The following SULT1B1 variants were observed in gnomAD, a reference collection of about 807,000 sequenced individuals.
SULT1B1 encodes the protein sulfotransferase family 1B member 1.
SULT1B1 carries 28 observed loss-of-function variants against 34.6 expected under a neutral mutation model. The observed-to-expected ratio is 0.81, with a 90% CI of 0.60 to 1.11. The LOEUF is 1.11. SULT1B1 is among the 50% of genes least tolerant of loss of function. The probability of loss-of-function intolerance (pLI) is 0.00; values close to 1 mark genes in which losing one functional copy is unlikely to be tolerated. For synonymous variants in SULT1B1, 147 were observed against 110.2 expected, an observed-to-expected ratio of 1.33 and a Z score of -2.09; for missense variants, 374 against 352.2, an observed-to-expected ratio of 1.06 and a Z score of -0.50.
intron 4 of SULT1B1, among the ~76,000 whole-genome samples, chr4:69,735,933 T>A (rs1414151830): frequency 6.6e-6 from 1 of 152,118 alleles, no homozygotes; most frequent in East Asian, 1.9e-4. Flanking sequence ...TTCATATCAC[T>A]AAAACAGCCA....
intron 4 of SULT1B1, among the ~76,000 whole-genome samples, chr4:69,741,612 C>T (rs1283875284): frequency 6.6e-6 from 1 of 152,042 alleles, no homozygotes; most frequent in African/African-American, 2.4e-5. Context: ...CTTTGATTAG[C>T]TATATTCCTA....
intron 5 of SULT1B1, 44 bp from the exon 6 acceptor site, chr4:69,733,551 T>A: frequency 1.4e-6 from 2 of 1,388,012 alleles, no homozygotes; most frequent in Non-Finnish European, 2.0e-6. Context: ...TTCATCAAAT[T>A]AAATATTTCT....
At chr4:69,739,362 C>T (rs1718448208) in intron 4 of SULT1B1, among the ~76,000 whole-genome samples, 2 of 152,160 alleles carry the variant, frequency 1.3e-5, no homozygotes, top group South Asian at 4.1e-4. Flanking sequence ...GGCAGAGGTT[C>T]CCAAACATCA....
intron 1 of SULT1B1, among the ~76,000 whole-genome samples, chr4:69,755,581 C>T (rs1185092751): frequency 6.6e-6 from 1 of 152,196 alleles, no homozygotes; most frequent in Non-Finnish European, 1.5e-5. Context: ...AATAAATCCA[C>T]TGCTCATTAT....
At chr4:69,736,445 A>C (rs1020011643) in intron 4 of SULT1B1, among the ~76,000 whole-genome samples, 2 of 152,138 alleles carry the variant, frequency 1.3e-5, no homozygotes, top group Admixed American at 6.5e-5. Flanking sequence ...CCTACTTTCC[A>C]CTTGAGCAGA....
chr4:69,730,831 C>G, intron 6 of SULT1B1, 150 bp from the exon 7 acceptor site: 1 of 672,796 alleles, frequency 1.5e-6, no homozygotes, highest in Non-Finnish European at 2.4e-6. Flanking sequence ...TTTAAATAAA[C>G]TAATCATAAA....
At chr4:69,754,892 T>C in intron 2 of SULT1B1, 94 bp from the exon 3 acceptor site, 4 of 1,420,850 alleles carry the variant, frequency 2.8e-6, no homozygotes, top group Non-Finnish European at 3.9e-6. Flanking sequence ...TAACACATTC[T>C]ATTACAAACT....
chr4:69,741,580 T>C (rs1333489598), intron 4 of SULT1B1, among the ~76,000 whole-genome samples: 2 of 152,240 alleles, frequency 1.3e-5, no homozygotes, highest in Non-Finnish European at 2.9e-5. Context: ...TTTGTAATTC[T>C]CATTGTAGAG....
At chr4:69,750,729 CTTAT>C (rs1233018085) in intron 3 of SULT1B1, among the ~76,000 whole-genome samples, 1 of 152,136 alleles carries the variant, frequency 6.6e-6, no homozygotes. Flanking sequence ...AGTTTATTTA[CTTAT>C]TTGTTTGCTT....
chr4:69,742,529 A>C (rs1000760250), intron 4 of SULT1B1, among the ~76,000 whole-genome samples: 3 of 152,192 alleles, frequency 2.0e-5, no homozygotes, highest in Non-Finnish European at 4.4e-5. Context: ...GTTTGTTATT[A>C]CTAATTCATT....
At chr4:69,745,086 C>A (rs1016967985) in intron 4 of SULT1B1, among the ~76,000 whole-genome samples, 1 of 151,846 alleles carries the variant, frequency 6.6e-6, no homozygotes, top group African/African-American at 2.4e-5. Context: ...TGCTGTGGCC[C>A]GAGAGTATGG....
chr4:69,731,027 T>C (rs574526816), intron 6 of SULT1B1, among the ~76,000 whole-genome samples: 10 of 152,020 alleles, frequency 6.6e-5, no homozygotes, highest in Admixed American at 5.2e-4. Flanking sequence ...GACAGGCAAA[T>C]AGAGAACATT....
chr4:69,739,795 T>G (rs867347158), intron 4 of SULT1B1, among the ~76,000 whole-genome samples: 1 of 152,210 alleles, frequency 6.6e-6, no homozygotes, highest in Non-Finnish European at 1.5e-5. Flanking sequence ...CTCTGCTTTC[T>G]GTTGAATGCT....
Position 69,723,138 on chromosome 4 carries a change from G to T in SULT1B1, c.*3950C>A, listed in dbSNP as rs1322821895. ...ATAGACCACCAGCAAGACTAATAAA[G>T]AAGAAAAGAGAGAAGAATCAAATAG... On this transcript the variant is annotated 3_prime_UTR_variant, in exon 8 of 8. Coordinates refer to ENST00000310613, the MANE Select transcript of SULT1B1 (RefSeq NM_014465.4). The T allele has an allele frequency of 6.6e-6, 1 of 151,690 alleles. No homozygotes were observed. Among genetic ancestry groups the T allele is most frequent in the African/African-American group, 2.4e-5 (1 of 41,242 alleles). The allele number at this position is 151,690 out of a possible 1,614,324, so 9.4% of individuals were successfully genotyped here.
intron 4 of SULT1B1, among the ~76,000 whole-genome samples, chr4:69,737,847 A>G (rs953641721): frequency 1.1e-4 from 16 of 152,214 alleles, no homozygotes; most frequent in Non-Finnish European, 1.5e-5. Context: ...TAAAATGCCA[A>G]TAATGTCTTT....
rs537653032 is a variant in SULT1B1 at position 69,754,719 on chromosome 4, A to G, written c.228T>C (p.Thr76=). The part of the protein sequence containing the change: ...DIEKCKRGFI[T]EKVPMLEMTL... ...TCATTTCCAACATTGGAACTTTTTCAGTAATAAAACCTCGCTTACATTTTT... is the reference window on the plus strand; with the variant it reads ...TCATTTCCAACATTGGAACTTTTTCGGTAATAAAACCTCGCTTACATTTTT... The change falls in exon 3 of 8, where the codon ACT becomes ACC. Residue 76 remains threonine, a synonymous_variant. Transcript: ENST00000310613. 2.4e-5 allele frequency: 38 copies of G among 1,613,418 alleles called. No homozygotes were observed. The South Asian group carries it at 4.0e-4, about 17-fold the overall frequency.
intron 7 of SULT1B1, among the ~76,000 whole-genome samples, chr4:69,727,728 G>C (rs902908010): frequency 6.6e-6 from 1 of 151,832 alleles, no homozygotes; most frequent in Non-Finnish European, 1.5e-5. Flanking sequence ...AAATTCACTA[G>C]GCTTGTTCTT....
At chr4:69,730,356 G>T in intron 7 of SULT1B1, 145 bp downstream of exon 7, 1 of 580,410 alleles carries the variant, frequency 1.7e-6, no homozygotes, top group Non-Finnish European at 2.9e-6. Context: ...TAATAATTTT[G>T]AATCTCAGCA....
At chr4:69,757,367 T>G (rs1578071659) in intron 1 of SULT1B1, among the ~76,000 whole-genome samples, 1 of 152,288 alleles carries the variant, frequency 6.6e-6, no homozygotes, top group African/African-American at 2.4e-5. Context: ...CAATCAGAGG[T>G]TCTTAATTGA....
Sources: gnomAD v4.1 joint callset for allele counts (sites outside exome capture counted in the v4.1 genomes callset) on GRCh38, gnomAD v4.1.1 for gene constraint, MANE v1.5 for transcripts, NCBI Gene and HGNC (gene_info 2026-07-23, HGNC 2026-07-21) for gene names.